C3orf49: variants seen among roughly 807,000 people sequenced by gnomAD.
C3orf49 encodes chromosome 3 open reading frame 49, also known as putative uncharacterized protein C3orf49.
C3orf49 carries 27 observed loss-of-function variants against 13.3 expected under a neutral mutation model. That is an observed-to-expected ratio of 2.02 (90% confidence interval 1.49 to 2.79). C3orf49 has a LOEUF of 2.79. C3orf49 is among the 30% of genes most tolerant of loss of function. The pLI, the probability that C3orf49 is intolerant of heterozygous loss-of-function variation, is 0.00. For missense variants in C3orf49, 242 were observed against 134.2 expected, an observed-to-expected ratio of 1.80 and a Z score of -3.97; for synonymous variants, 87 against 47.6, an observed-to-expected ratio of 1.83 and a Z score of -3.40.
At chr3:63,837,636 T>G (rs1349828409) in intron 5 of C3orf49, among the ~76,000 whole-genome samples, 1 of 151,954 alleles carries the variant, frequency 6.6e-6, no homozygotes, top group East Asian at 1.9e-4. Flanking sequence ...TCTAGTATAT[T>G]TATGTAAATT....
At chr3:63,847,990 G>T (rs73831995) in intron 6 of C3orf49, among the ~76,000 whole-genome samples, 3 of 152,232 alleles carry the variant, frequency 2.0e-5, no homozygotes, top group African/African-American at 7.2e-5. Flanking sequence ...AGGCACAACT[G>T]ACCAGCATGA....
At chr3:63,843,160 C>A (rs1421214053) in intron 5 of C3orf49, among the ~76,000 whole-genome samples, 1 of 150,722 alleles carries the variant, frequency 6.6e-6, no homozygotes, top group African/African-American at 2.4e-5. Flanking sequence ...ACTCTTTCAT[C>A]CAGGCTAGAG....
At chr3:63,823,696 C>T in intron 2 of C3orf49, 127 bp downstream of exon 2, 1 of 607,450 alleles carries the variant, frequency 1.6e-6, no homozygotes, top group East Asian at 2.7e-5. Flanking sequence ...ATCTCAGGCC[C>T]TACCTGGGAC....
At chr3:63,823,029 G>C (rs1701418678) in intron 1 of C3orf49, among the ~76,000 whole-genome samples, 1 of 152,140 alleles carries the variant, frequency 6.6e-6, no homozygotes, top group Non-Finnish European at 1.5e-5. Context: ...ACAGTACTGT[G>C]TTTAAATTAA....
At position 63,830,960 on chromosome 3, in the gene C3orf49, A is replaced by G. The variant is rs547725069; in HGVS notation, c.571-150A>G. ...GAAGATACTTGGGGTGTGGAGAATAATATGAATACAGTCTGCAATCCAATA... is the reference window on the plus strand; with the variant it reads ...GAAGATACTTGGGGTGTGGAGAATAGTATGAATACAGTCTGCAATCCAATA... On this transcript the variant is annotated intron_variant, in intron 3 of 6. Coordinates refer to ENST00000295896, the MANE Select transcript of C3orf49 (RefSeq NM_001355236.2). 31 of 596,050 alleles carry G rather than the reference A, an allele frequency of 5.2e-5. No individual in the cohort carries two copies. In the East Asian group the frequency reaches 5.5e-4, roughly 11 times the overall value. 36.9% of individuals were successfully genotyped at this position (596,050 alleles called of 1,614,324 possible).
the C3orf49 span, among the ~76,000 whole-genome samples, chr3:63,806,624 T>C: frequency 0.032 from 4,884 of 152,284 alleles, 172 homozygotes; most frequent in African/African-American, 0.087. Context: ...ATACGTCCCT[T>C]TTCATATGCT....
intron 5 of C3orf49, chr3:63,835,267 T>C (rs540211076): frequency 4.3e-6 from 7 of 1,612,564 alleles, no homozygotes; most frequent in South Asian, 3.3e-5. Flanking sequence ...CCTGTATATA[T>C]AGATATATAG....
At chr3:63,823,171 A>G (rs913497956) in intron 1 of C3orf49, 79 bp from the exon 2 acceptor site, 3 of 592,464 alleles carry the variant, frequency 5.1e-6, no homozygotes, top group African/African-American at 3.7e-5. Context: ...TCACATTTGA[A>G]GTTTGTGTTT....
chr3:63,813,600 G>A, the C3orf49 span, among the ~76,000 whole-genome samples: 1 of 152,188 alleles, frequency 6.6e-6, no homozygotes, highest in Admixed American at 6.5e-5. Context: ...TTGGCTCTTC[G>A]AAGACACTTT....
chr3:63,834,308 AAGATGG>A, intron 5 of C3orf49: 1 of 1,032,002 alleles, frequency 9.7e-7, no homozygotes, highest in Non-Finnish European at 1.4e-6. Context: ...AATTAAAGCT[AAGATGG>A]CTACTAGTTG....
chr3:63,828,426 T>A (rs554853362), intron 3 of C3orf49, among the ~76,000 whole-genome samples: 90 of 152,120 alleles, frequency 5.9e-4, no homozygotes, highest in Non-Finnish European at 1.0e-3. Flanking sequence ...CAGCCTCCCA[T>A]CTAGCTGGGA....
intron 5 of C3orf49, chr3:63,839,536 A>C (rs1010682134): frequency 1.2e-6 from 1 of 823,452 alleles, no homozygotes; most frequent in Non-Finnish European, 2.0e-6. Context: ...TGGTTAATTA[A>C]GAGTTGACTC....
chr3:63,805,951 T>A, the C3orf49 span, among the ~76,000 whole-genome samples: 1 of 152,190 alleles, frequency 6.6e-6, no homozygotes. Flanking sequence ...TTGGTTTTGT[T>A]TTTTTATACT....
chr3:63,797,116 AT>A, the C3orf49 span, among the ~76,000 whole-genome samples: 5 of 152,060 alleles, frequency 3.3e-5, no homozygotes, highest in Non-Finnish European at 7.4e-5. Context: ...TAAATACTTC[AT>A]TCCACTCTCA....
chr3:63,826,649 AG>A (rs1701467269), intron 2 of C3orf49, among the ~76,000 whole-genome samples: 1 of 152,190 alleles, frequency 6.6e-6, no homozygotes, highest in African/African-American at 2.4e-5. Context: ...CTCCCAGAGA[AG>A]TCCTTATCAA....
chr3:63,792,278 A>G, the C3orf49 span, among the ~76,000 whole-genome samples: 1 of 152,244 alleles, frequency 6.6e-6, no homozygotes, highest in Non-Finnish European at 1.5e-5. Flanking sequence ...CAAATACCTG[A>G]CTTTCACTTG....
upstream of C3orf49, among the ~76,000 whole-genome samples, chr3:63,819,086 G>T (rs1307857927): frequency 6.6e-6 from 1 of 151,884 alleles, no homozygotes; most frequent in Non-Finnish European, 1.5e-5. Context: ...CAATTAGTGT[G>T]TGGGTGTTTT....
At chr3:63,831,656 T>C (rs775912163) in intron 4 of C3orf49, 24 bp from the exon 5 acceptor site, 20 of 697,036 alleles carry the variant, frequency 2.9e-5, no homozygotes, top group Admixed American at 1.0e-4. Flanking sequence ...CATGGCTTCA[T>C]TTCTTTGTAT....
At chr3:63,828,897 A>G (rs1004207215) in intron 3 of C3orf49, among the ~76,000 whole-genome samples, 11 of 152,202 alleles carry the variant, frequency 7.2e-5, no homozygotes, top group Non-Finnish European at 1.2e-4. Context: ...TTGCCATGCT[A>G]CAGACTAACT....
Sources: allele counts gnomAD v4.1 joint callset (sites outside exome capture counted in the v4.1 genomes callset), GRCh38; gene constraint gnomAD v4.1.1; transcripts MANE v1.5; gene names NCBI Gene and HGNC (gene_info 2026-07-23, HGNC 2026-07-21).